Variants in SMC6 observed in about 807,000 individuals in gnomAD.
The protein encoded by SMC6 is structural maintenance of chromosomes 6, also known as structural maintenance of chromosomes protein 6.
In SMC6, 79 loss-of-function variants were observed where a neutral mutation model predicts 142.2. The observed-to-expected ratio is 0.56, with a 90% CI of 0.46 to 0.67. The LOEUF (loss-of-function observed/expected upper bound fraction) is 0.67. Ranked by LOEUF, SMC6 falls within the 30% of genes least tolerant of loss-of-function variation. The pLI, the probability that SMC6 is intolerant of heterozygous loss-of-function variation, is 0.00. For synonymous variants in SMC6, 411 were observed against 412.4 expected (o/e 1.00, Z 0.04); for missense variants, 1,072 against 1,284.0 (o/e 0.83, Z 2.52).
chr2:17,688,016 T>C (rs1667535780), intron 23 of SMC6, among the ~76,000 whole-genome samples: 1 of 151,622 alleles, frequency 6.6e-6, no homozygotes, highest in Non-Finnish European at 1.5e-5. Context: ...ATTCCTCCTG[T>C]GGAGGAAAAA....
chr2:17,711,404 A>T (rs1668818543), intron 16 of SMC6, among the ~76,000 whole-genome samples: 1 of 152,184 alleles, frequency 6.6e-6, no homozygotes, highest in Non-Finnish European at 1.5e-5. Context: ...TTAAGCAGAA[A>T]GTCTAAACAA....
intron 23 of SMC6, among the ~76,000 whole-genome samples, chr2:17,686,182 A>T (rs897511094): frequency 2.0e-5 from 3 of 152,136 alleles, no homozygotes; most frequent in Non-Finnish European, 4.4e-5. Context: ...CTAATCCAAA[A>T]ATTTGAAATT....
chr2:17,726,814 A>C (rs968919734), intron 7 of SMC6, among the ~76,000 whole-genome samples: 3 of 152,188 alleles, frequency 2.0e-5, no homozygotes, highest in African/African-American at 7.2e-5. Context: ...GCCACTGGTT[A>C]ATCATGGGAC....
At chr2:17,686,486 A>G (rs1253085339) in intron 23 of SMC6, among the ~76,000 whole-genome samples, 1 of 152,208 alleles carries the variant, frequency 6.6e-6, no homozygotes, top group Non-Finnish European at 1.5e-5. Context: ...CGTCCCAAAA[A>G]GCAAGGCAAA....
intron 3 of SMC6, among the ~76,000 whole-genome samples, chr2:17,742,451 A>G (rs915134977): frequency 6.6e-6 from 1 of 152,358 alleles, no homozygotes; most frequent in Middle Eastern, 3.4e-3. Flanking sequence ...TATAAATATT[A>G]TATCAGCATT....
chr2:17,681,334 TATC>T (rs1260868773), intron 24 of SMC6: 1 of 152,224 alleles, frequency 6.6e-6, no homozygotes, highest in African/African-American at 2.4e-5. Flanking sequence ...TTAATTTTCT[TATC>T]ATTAGTGTAT....
chr2:17,725,150 C>T, intron 9 of SMC6, 107 bp downstream of exon 9: 1 of 704,100 alleles, frequency 1.4e-6, no homozygotes. Context: ...AAAAATATTA[C>T]TAGTTTTATA....
At chr2:17,711,318 GA>G (rs1485387530) in intron 16 of SMC6, among the ~76,000 whole-genome samples, 1 of 152,150 alleles carries the variant, frequency 6.6e-6, no homozygotes, top group Admixed American at 6.5e-5. Context: ...GCCAAAAGTA[GA>G]AAGGAATATA....
chr2:17,733,702 T>A (rs750828671), intron 5 of SMC6, among the ~76,000 whole-genome samples: 32 of 152,176 alleles, frequency 2.1e-4, no homozygotes, highest in Non-Finnish European at 3.4e-4. Context: ...AGAAACCAAT[T>A]TGGGGCATTA....
chr2:17,739,536 T>C (rs953268773), intron 4 of SMC6, among the ~76,000 whole-genome samples: 9 of 151,922 alleles, frequency 5.9e-5, no homozygotes, highest in Admixed American at 3.9e-4. Flanking sequence ...TCCCAGCTAT[T>C]TGGGAGGCTA....
chr2:17,728,438 C>A (rs1172992073), intron 7 of SMC6, among the ~76,000 whole-genome samples: 1 of 151,530 alleles, frequency 6.6e-6, no homozygotes, highest in Non-Finnish European at 1.5e-5. Flanking sequence ...TGTCCCAAGG[C>A]TCATGCCAGC....
intron 18 of SMC6, among the ~76,000 whole-genome samples, chr2:17,704,649 C>T (rs1478537019): frequency 6.6e-6 from 1 of 152,114 alleles, no homozygotes; most frequent in Admixed American, 6.6e-5. Flanking sequence ...AATCTGAAAC[C>T]ATTTTGCAGT....
At chr2:17,718,981 A>G (rs1257228768) in intron 11 of SMC6, among the ~76,000 whole-genome samples, 2 of 152,182 alleles carry the variant, frequency 1.3e-5, no homozygotes, top group Non-Finnish European at 2.9e-5. Context: ...AAGTTAATAT[A>G]TTATGGAACA....
chr2:17,682,696 A>T (rs1667286261), intron 24 of SMC6, among the ~76,000 whole-genome samples: 2 of 152,252 alleles, frequency 1.3e-5, no homozygotes, highest in South Asian at 2.1e-4. Context: ...GCACTGCCTC[A>T]GAGGTAGGAA....
In SMC6 at chr2:17,675,412, G is replaced by C. The variant is rs924809846; in HGVS notation, c.2910+3447C>G. On this transcript the variant is annotated intron_variant, in intron 25 of 27. Transcript: ENST00000448223. Reference sequence around the variant, plus strand: ...TGATTTAGACGGCTGAAACTGTTTTGTATTTACCCATAGATTTACCTTTTG... The same window carrying C: ...TGATTTAGACGGCTGAAACTGTTTTCTATTTACCCATAGATTTACCTTTTG... Among the ~76,000 whole-genome samples the C allele has an allele frequency of 3.3e-5, 5 of 152,046 alleles. 1 individual carries two copies. In the South Asian group the frequency reaches 8.3e-4, roughly 25 times the overall value.
rs1251236741 is a variant in SMC6, at chr2:17,697,883, T to C, written c.2395-1457A>G. 2.0e-5 allele frequency among the ~76,000 whole-genome samples: 3 copies of C among 152,038 alleles called. 1 individual carries two copies. The South Asian group carries it at 6.2e-4, about 31-fold the overall frequency. ...ACATATCTATACAAAAACTTGTACA[T>C]GAATGTTCGCAGCAGCAGCACCCAA... is the stretch of plus-strand genomic sequence containing the variant. On this transcript the variant is annotated intron_variant, in intron 21 of 27. Transcript: ENST00000448223.
chr2:17,724,739 G>A (rs914326660), intron 9 of SMC6, among the ~76,000 whole-genome samples: 1 of 152,172 alleles, frequency 6.6e-6, no homozygotes, highest in African/African-American at 2.4e-5. Flanking sequence ...AGCCTGGTGA[G>A]TAAGGATGTC....
chr2:17,668,937 T>C (rs1325906272), intron 26 of SMC6, among the ~76,000 whole-genome samples: 1 of 152,088 alleles, frequency 6.6e-6, no homozygotes, highest in South Asian at 2.1e-4. Context: ...ACTGTAGAAA[T>C]GTAAACCTGC....
At chr2:17,695,011 C>G in intron 23 of SMC6, 141 bp downstream of exon 23, 1 of 836,834 alleles carries the variant, frequency 1.2e-6, no homozygotes, top group Non-Finnish European at 1.9e-6. Flanking sequence ...GAATAATACA[C>G]ATATAAAGGA....
Sources: allele counts gnomAD v4.1 joint callset (sites outside exome capture counted in the v4.1 genomes callset), GRCh38; gene constraint gnomAD v4.1.1; transcripts MANE v1.5; gene names NCBI Gene and HGNC (gene_info 2026-07-23, HGNC 2026-07-21).